The following FSIP1 variants were observed in gnomAD, a reference collection of about 807,000 sequenced individuals.
FSIP1 encodes the protein fibrous sheath-interacting protein 1.
A neutral mutation model predicts 60.9 loss-of-function variants in FSIP1; 65 were observed. The observed-to-expected ratio is 1.07, with a 90% CI of 0.87 to 1.31. FSIP1 has a LOEUF of 1.31. Among genes scored for constraint, FSIP1 ranks in the 40% most tolerant of loss-of-function variants. The probability of loss-of-function intolerance (pLI) is 0.00; values close to 1 mark genes in which losing one functional copy is unlikely to be tolerated. For synonymous variants in FSIP1, 209 were observed against 221.2 expected, an observed-to-expected ratio of 0.94 and a Z score of 0.49; for missense variants, 675 against 665.5, an observed-to-expected ratio of 1.01 and a Z score of -0.16.
chr15:39,656,916 G>T (rs1893094375), intron 10 of FSIP1, among the ~76,000 whole-genome samples: 1 of 152,244 alleles, frequency 6.6e-6, no homozygotes, highest in Non-Finnish European at 1.5e-5. Context: ...TAGACAGGTT[G>T]AGGGCCCGTG....
Position 39,629,388 on chromosome 15 carries a change from G to T in FSIP1, c.1189-11143C>A, listed in dbSNP as rs77348548. Among the ~76,000 whole-genome samples the T allele has an allele frequency of 2.1e-3, 314 of 152,264 alleles. 1 individual carries two copies. Among genetic ancestry groups the T allele is most frequent in the African/African-American group, 7.0e-3 (290 of 41,536 alleles). On this transcript the variant is annotated intron_variant, in intron 10 of 11. Transcript: ENST00000350221. ...GTAACCACAAAGTAACCAGAAAGGG[G>T]CTGGCTTCTAGATACTTTTACATTT... is the stretch of plus-strand genomic sequence containing the variant.
intron 9 of FSIP1, among the ~76,000 whole-genome samples, chr15:39,715,916 C>T (rs1895720544): frequency 6.6e-6 from 1 of 152,184 alleles, no homozygotes; most frequent in African/African-American, 2.4e-5. Context: ...TCCCCTTCAC[C>T]TTCTGCCATG....
intron 10 of FSIP1, among the ~76,000 whole-genome samples, chr15:39,656,432 T>G (rs1044693936): frequency 6.6e-6 from 1 of 152,206 alleles, no homozygotes; most frequent in African/African-American, 2.4e-5. Context: ...CTTTCTGGCT[T>G]TTCGACACCT....
At chr15:39,760,938 A>C (rs907430782) in intron 5 of FSIP1, among the ~76,000 whole-genome samples, 1 of 152,200 alleles carries the variant, frequency 6.6e-6, no homozygotes, top group Non-Finnish European at 1.5e-5. Context: ...AAAAGTAAAA[A>C]ATAAAACTTA....
intron 6 of FSIP1, 95 bp downstream of exon 6, chr15:39,741,710 T>A (rs1235936888): frequency 3.0e-6 from 2 of 669,118 alleles, no homozygotes; most frequent in Admixed American, 4.7e-5. Flanking sequence ...TACCTTTGGA[T>A]TAAATTACAT....
intron 6 of FSIP1, among the ~76,000 whole-genome samples, chr15:39,741,197 A>G (rs770510071): frequency 6.6e-6 from 1 of 152,254 alleles, no homozygotes; most frequent in Non-Finnish European, 1.5e-5. Context: ...GAATGCAGCC[A>G]TGTTTACATT....
intron 5 of FSIP1, among the ~76,000 whole-genome samples, chr15:39,762,108 G>A (rs1412422435): frequency 6.6e-6 from 1 of 152,190 alleles, no homozygotes; most frequent in Non-Finnish European, 1.5e-5. Context: ...CTTTTATTCA[G>A]TGTCTGCATT....
chr15:39,765,416 G>A (rs1392973983), intron 4 of FSIP1, among the ~76,000 whole-genome samples, 176 bp downstream of exon 4: 1 of 150,956 alleles, frequency 6.6e-6, no homozygotes, highest in African/African-American at 2.4e-5. Context: ...AATTTTTTAG[G>A]TTTTTTTTGT....
intron 10 of FSIP1, among the ~76,000 whole-genome samples, chr15:39,642,898 T>C (rs766876417): frequency 6.6e-6 from 1 of 152,220 alleles, no homozygotes; most frequent in Non-Finnish European, 1.5e-5. Flanking sequence ...TCTAAAACAA[T>C]GTTGTACTAT....
At chr15:39,684,242 C>T (rs1440435456) in intron 10 of FSIP1, among the ~76,000 whole-genome samples, 1 of 152,102 alleles carries the variant, frequency 6.6e-6, no homozygotes, top group Non-Finnish European at 1.5e-5. Flanking sequence ...GGAACAGACA[C>T]ATGTGTGTCT....
intron 2 of FSIP1, among the ~76,000 whole-genome samples, chr15:39,776,022 C>T (rs560806066): frequency 6.9e-6 from 1 of 145,296 alleles, no homozygotes; most frequent in African/African-American, 2.6e-5. Context: ...TGTTGGAATA[C>T]AAAACTTCCT....
At position 39,740,126 on chromosome 15, in the gene FSIP1, TTAAAATA is replaced by T. The variant is rs147938274; in HGVS notation, c.656-344_656-338del. Among the ~76,000 whole-genome samples the T allele has an allele frequency of 5.0e-3, 768 of 152,338 alleles. 8 individuals are homozygous for T. The highest frequency in any genetic ancestry group is 0.018 in the African/African-American group (745 of 41,584). ...AGAAATCGCTGATGTTAGGGAGACT[TTAAAATA>T]TATTTTTTATTTCAGTCTTGACACA... On this transcript the variant is annotated intron_variant, in intron 6 of 11. Transcript: ENST00000350221.
At chr15:39,691,356 G>C (rs1894592434) in intron 10 of FSIP1, among the ~76,000 whole-genome samples, 2 of 152,212 alleles carry the variant, frequency 1.3e-5, no homozygotes, top group South Asian at 4.1e-4. Flanking sequence ...GGCCCCAGAT[G>C]AAAGTCGCCC....
intron 10 of FSIP1, among the ~76,000 whole-genome samples, chr15:39,703,693 T>TA (rs1318464690): frequency 6.6e-6 from 1 of 152,176 alleles, no homozygotes; most frequent in East Asian, 1.9e-4. Flanking sequence ...CATGTATACC[T>TA]ATGTAACAAC....
chr15:39,673,617 G>GT (rs1893807378), intron 10 of FSIP1, among the ~76,000 whole-genome samples: 1 of 152,114 alleles, frequency 6.6e-6, no homozygotes, highest in African/African-American at 2.4e-5. Flanking sequence ...AGCCTGGCTC[G>GT]TAACACATAC....
At chr15:39,618,426 A>C (rs1270030253) in intron 10 of FSIP1, among the ~76,000 whole-genome samples, 181 bp from the exon 11 acceptor site, 1 of 152,166 alleles carries the variant, frequency 6.6e-6, no homozygotes, top group African/African-American at 2.4e-5. Flanking sequence ...TCCTGGCAAA[A>C]TCTTTGGTTG....
chr15:39,655,895 C>A (rs527423508), intron 10 of FSIP1, among the ~76,000 whole-genome samples: 1 of 152,244 alleles, frequency 6.6e-6, no homozygotes, highest in African/African-American at 2.4e-5. Flanking sequence ...GCAACCATTT[C>A]TGTTGCATAC....
intron 5 of FSIP1, among the ~76,000 whole-genome samples, chr15:39,759,190 A>T (rs1227640676): frequency 6.6e-6 from 1 of 152,090 alleles, no homozygotes; most frequent in Non-Finnish European, 1.5e-5. Context: ...ATGTCACAAA[A>T]TTAAAAAAAA....
At chr15:39,741,462 G>T (rs940077596) in intron 6 of FSIP1, among the ~76,000 whole-genome samples, 39 of 152,180 alleles carry the variant, frequency 2.6e-4, no homozygotes, top group African/African-American at 7.2e-5. Context: ...ACCTCTGAAT[G>T]ACTAACCACA....
Sources: allele counts gnomAD v4.1 joint callset (sites outside exome capture counted in the v4.1 genomes callset), GRCh38; gene constraint gnomAD v4.1.1; transcripts MANE v1.5; gene names NCBI Gene and HGNC (gene_info 2026-07-23, HGNC 2026-07-21).